Variants in BORCS5 observed in about 807,000 individuals in gnomAD.
BORCS5 encodes BLOC-1 related complex subunit 5.
A neutral mutation model predicts 22.1 loss-of-function variants in BORCS5; 17 were observed. The ratio of observed to expected loss-of-function variants is 0.77; its 90% CI spans 0.53 to 1.15. The LOEUF (loss-of-function observed/expected upper bound fraction) is 1.15. BORCS5 is among the 50% of genes most tolerant of loss of function. The probability of loss-of-function intolerance (pLI) is 0.00; values close to 1 mark genes in which losing one functional copy is unlikely to be tolerated. For synonymous variants in BORCS5, 117 were observed against 99.8 expected (o/e 1.17, Z -1.03); for missense variants, 247 against 253.2 (o/e 0.98, Z 0.17).
intron 2 of BORCS5, among the ~76,000 whole-genome samples, chr12:12,368,281 GTT>G (rs558666534): frequency 3.1e-5 from 4 of 129,640 alleles, no homozygotes; most frequent in Admixed American, 7.6e-5. Flanking sequence ...ATTCTGTTTT[GTT>G]TTTTTTTTTT....
At chr12:12,449,898 T>C (rs939006029) in intron 3 of BORCS5, among the ~76,000 whole-genome samples, 1 of 152,190 alleles carries the variant, frequency 6.6e-6, no homozygotes, top group African/African-American at 2.4e-5. Flanking sequence ...CCCTTCTCAC[T>C]GCAGATCCAG....
intron 2 of BORCS5, among the ~76,000 whole-genome samples, chr12:12,392,578 A>C (rs868393610): frequency 2.0e-5 from 3 of 152,120 alleles, no homozygotes; most frequent in Non-Finnish European, 2.9e-5. Context: ...ACAAATCCTT[A>C]TCTCTAAACA....
At chr12:12,414,311 C>T (rs558382669) in intron 2 of BORCS5, among the ~76,000 whole-genome samples, 3 of 74,064 alleles carry the variant, frequency 4.1e-5, no homozygotes, top group East Asian at 3.3e-4. Flanking sequence ...ACCTCCCGGA[C>T]GGGGCGGCTG....
At chr12:12,415,831 G>C (rs1422499394) in intron 2 of BORCS5, among the ~76,000 whole-genome samples, 2 of 152,210 alleles carry the variant, frequency 1.3e-5, no homozygotes, top group Admixed American at 6.5e-5. Flanking sequence ...TCAGGGTAAT[G>C]CTGCCCTCAT....
rs11398603 is a variant in BORCS5 at position 12,446,215 on chromosome 12, T to TAA, written c.360+10436_360+10437dup. On this transcript the variant is annotated intron_variant, in intron 3 of 3. Transcript: ENST00000314565. ...TTGTGGACACAGACAATAAACACGGTAAAAAAATAAGATAGATGGCATGTA... is the reference window on the plus strand; with the variant it reads ...TTGTGGACACAGACAATAAACACGGTAAAAAAAAATAAGATAGATGGCATGTA... Among the ~76,000 whole-genome samples, 263 of 150,274 alleles carry TAA rather than the reference T, an allele frequency of 1.8e-3. 1 individual carries two copies. The highest frequency in any genetic ancestry group is 7.3e-3 in the South Asian group (35 of 4,766).
At chr12:12,414,004 C>T (rs1359775423) in intron 2 of BORCS5, among the ~76,000 whole-genome samples, 4 of 70,586 alleles carry the variant, frequency 5.7e-5, no homozygotes, top group Non-Finnish European at 1.1e-4. Flanking sequence ...CCAGTAGGGG[C>T]GGCCGGGCAG....
intron 2 of BORCS5, among the ~76,000 whole-genome samples, chr12:12,364,656 C>T (rs1390226275): frequency 6.6e-6 from 1 of 152,150 alleles, no homozygotes; most frequent in Non-Finnish European, 1.5e-5. Flanking sequence ...TTAAGGGAAG[C>T]TAACCTCAGA....
chr12:12,393,171 G>T (rs1317605381), intron 2 of BORCS5, among the ~76,000 whole-genome samples: 2 of 152,070 alleles, frequency 1.3e-5, no homozygotes, highest in African/African-American at 4.8e-5. Flanking sequence ...GGAGGCAGAG[G>T]TTGCAGTGAG....
chr12:12,452,176 G>T, intron 3 of BORCS5: 3 of 583,190 alleles, frequency 5.1e-6, no homozygotes, highest in Non-Finnish European at 6.7e-6. Context: ...ATCTCAGGAA[G>T]ATTCACATTT....
At chr12:12,437,823 A>G (rs1477248299) in intron 3 of BORCS5, among the ~76,000 whole-genome samples, 2 of 25,398 alleles carry the variant, frequency 7.9e-5, no homozygotes, top group Non-Finnish European at 1.7e-4. Flanking sequence ...GTTTAGTGAT[A>G]ACATTCATAG....
chr12:12,357,135 C>T lies in BORCS5; in HGVS notation c.-317C>T. On this transcript the variant is annotated 5_prime_UTR_variant, in exon 1 of 4. Transcript: ENST00000314565. ...CGTGAACCAGTGAGTGAAAGCGGCG[C>T]CGCCCGCCGGCCGCAGGTGCGGCAA... 2 of 1,527,862 alleles carry T rather than the reference C, an allele frequency of 1.3e-6. No individual in the cohort carries two copies. Among genetic ancestry groups the T allele is most frequent in the Non-Finnish European group, 1.8e-6 (2 of 1,140,940 alleles). The allele number at this position is 1,527,862 out of a possible 1,614,324, so 94.6% of individuals were successfully genotyped here.
At chr12:12,443,866 T>C (rs1392302000) in intron 3 of BORCS5, among the ~76,000 whole-genome samples, 1 of 152,170 alleles carries the variant, frequency 6.6e-6, no homozygotes, top group Non-Finnish European at 1.5e-5. Context: ...CCTCCCCTGC[T>C]CATTTCCAGT....
At chr12:12,455,051 C>A (rs1248251348) in intron 3 of BORCS5, among the ~76,000 whole-genome samples, 1 of 152,220 alleles carries the variant, frequency 6.6e-6, no homozygotes, top group Non-Finnish European at 1.5e-5. Flanking sequence ...CAGATTGTTA[C>A]TGACTTCAGA....
At chr12:12,378,838 G>T (rs568313989) in intron 2 of BORCS5, among the ~76,000 whole-genome samples, 1 of 151,002 alleles carries the variant, frequency 6.6e-6, no homozygotes, top group Non-Finnish European at 1.5e-5. Context: ...CTGCAGCCTC[G>T]ACCTCCCAGG....
chr12:12,376,425 G>C (rs190089761), intron 2 of BORCS5, among the ~76,000 whole-genome samples: 5 of 151,830 alleles, frequency 3.3e-5, no homozygotes, highest in Middle Eastern at 3.4e-3. Context: ...AGTAGAGAGG[G>C]GGTTTCACAG....
rs1196175805 is a variant in BORCS5 at position 12,452,110 on chromosome 12, A to G, written c.361-13436A>G. On this transcript the variant is annotated intron_variant, in intron 3 of 3. Transcript: ENST00000314565. ...AGTAGCCTTTTTAAATTTTTATTTA[A>G]AAGAGGGCAGGTTTGGCACTTTATA... 17 of 495,560 alleles carry G rather than the reference A, an allele frequency of 3.4e-5. No homozygotes were observed. The Admixed American group carries it at 4.5e-4, about 13-fold the overall frequency. 30.7% of individuals were successfully genotyped at this position (495,560 alleles called of 1,614,324 possible).
chr12:12,396,410 C>T (rs769754050), intron 2 of BORCS5, among the ~76,000 whole-genome samples: 1 of 152,118 alleles, frequency 6.6e-6, no homozygotes, highest in Non-Finnish European at 1.5e-5. Context: ...CTGGCCATGG[C>T]GGAGAGCACT....
chr12:12,425,514 A>T (rs78309660), intron 2 of BORCS5, among the ~76,000 whole-genome samples: 2,011 of 152,230 alleles, frequency 0.013, 40 homozygotes, highest in African/African-American at 0.046. Flanking sequence ...AACACTTGTT[A>T]TTTTCCATTG....
At chr12:12,413,051 C>T (rs1337113579) in intron 2 of BORCS5, among the ~76,000 whole-genome samples, 7 of 133,162 alleles carry the variant, frequency 5.3e-5, no homozygotes, top group Non-Finnish European at 1.1e-4. Context: ...GAGGACCCTG[C>T]GGCCTTCCGC....
Sources: allele counts gnomAD v4.1 joint callset (sites outside exome capture counted in the v4.1 genomes callset), GRCh38; gene constraint gnomAD v4.1.1; transcripts MANE v1.5; gene names NCBI Gene and HGNC (gene_info 2026-07-23, HGNC 2026-07-21).